SRGAP2: variants seen among roughly 807,000 people sequenced by gnomAD.
The protein encoded by SRGAP2 is SLIT-ROBO Rho GTPase activating protein 2.
A neutral mutation model predicts 57.2 loss-of-function variants in SRGAP2; 15 were observed. The observed-to-expected ratio is 0.26, with a 90% CI of 0.18 to 0.40. The LOEUF (loss-of-function observed/expected upper bound fraction) is 0.40, where lower values mean the gene tolerates loss of function less well. SRGAP2 is among the 10% of genes least tolerant of loss of function. The pLI is 1.00. For missense variants in SRGAP2, 520 were observed against 669.6 expected, an observed-to-expected ratio of 0.78 and a Z score of 2.47; for synonymous variants, 249 against 248.0, an observed-to-expected ratio of 1.00 and a Z score of -0.04.
chr1:206,359,829 C>T (rs374177289), intron 4 of SRGAP2, among the ~76,000 whole-genome samples: 119 of 76,300 alleles, frequency 1.6e-3, no homozygotes, highest in African/African-American at 7.6e-3. Context: ...TTTTTTGAGA[C>T]GGAGTCTCGC....
At chr1:206,439,242 G>T (rs549177783) in intron 16 of SRGAP2, among the ~76,000 whole-genome samples, 31 of 152,186 alleles carry the variant, frequency 2.0e-4, no homozygotes, top group African/African-American at 6.5e-4. Context: ...GAAGTGAGAG[G>T]CTGCCTATGA....
intron 4 of SRGAP2, among the ~76,000 whole-genome samples, chr1:206,363,134 G>A (rs140455104): frequency 0.012 from 1,888 of 152,144 alleles, 51 homozygotes; most frequent in African/African-American, 0.043. Context: ...GATGAAAAGC[G>A]TTCCGGAACT....
At chr1:206,352,731 G>T (rs1219334814) in intron 4 of SRGAP2, among the ~76,000 whole-genome samples, 1 of 147,746 alleles carries the variant, frequency 6.8e-6, no homozygotes, top group African/African-American at 2.6e-5. Context: ...TTGCCTTCTG[G>T]CCTCCATTAT....
intron 22 of SRGAP2, among the ~76,000 whole-genome samples, chr1:206,459,873 A>G (rs1376042287): frequency 6.6e-6 from 1 of 152,150 alleles, no homozygotes; most frequent in Non-Finnish European, 1.5e-5. Flanking sequence ...CTAGCCTTCT[A>G]TTCTGTGCCT....
rs569007435 is a variant in SRGAP2 at position 206,260,860 on chromosome 1, T to G, written c.68-42421T>G. ...GCTACTTAAAATGAGATTATTATTC[T>G]TCATTCTTAGAATGCCAGTTGGTTT... is the stretch of plus-strand genomic sequence containing the variant. On this transcript the variant is annotated intron_variant, in intron 2 of 22. Coordinates refer to ENST00000573034, the MANE Select transcript of SRGAP2 (RefSeq NM_015326.5). Among the ~76,000 whole-genome samples the G allele has an allele frequency of 6.6e-4, 100 of 152,248 alleles. 1 individual carries two copies. Among genetic ancestry groups the G allele is most frequent in the Non-Finnish European group, 9.8e-4 (67 of 68,042 alleles).
chr1:206,453,639 T>A (rs975201966), intron 20 of SRGAP2: 2 of 298,572 alleles, frequency 6.7e-6, no homozygotes, highest in Non-Finnish European at 6.1e-6. Flanking sequence ...TTTAGAAACC[T>A]GCCAGCCAGC....
Position 206,387,377 on chromosome 1 carries a change from CTGTTACA to C in SRGAP2, c.486+3304_486+3310del, listed in dbSNP as rs1292752172. Among the ~76,000 whole-genome samples the C allele has an allele frequency of 2.1e-5, 3 of 145,752 alleles. No individual in the cohort carries two copies. The East Asian group carries it at 6.0e-4, about 29-fold the overall frequency. ...GGTTTTATCAGGTGGGAAGCTGGGA[CTGTTACA>C]TGCTAGCTTTGGGAAGCTGCTTGCT... On this transcript the variant is annotated intron_variant, in intron 5 of 22. Coordinates refer to ENST00000573034, the MANE Select transcript of SRGAP2 (RefSeq NM_015326.5).
chr1:206,452,790 G>A (rs1047172161), intron 19 of SRGAP2, among the ~76,000 whole-genome samples: 1 of 149,860 alleles, frequency 6.7e-6, no homozygotes, highest in Non-Finnish European at 1.5e-5. Flanking sequence ...GGAGGCTGAG[G>A]CAGGAGAATC....
chr1:206,345,066 CA>C (rs1675523182), intron 4 of SRGAP2, among the ~76,000 whole-genome samples: 1 of 82,740 alleles, frequency 1.2e-5, no homozygotes. Context: ...CTTGTGTAAC[CA>C]GCACCCAGAT....
At chr1:206,410,664 T>C (rs1659138560) in intron 10 of SRGAP2, among the ~76,000 whole-genome samples, 1 of 152,242 alleles carries the variant, frequency 6.6e-6, no homozygotes, top group Non-Finnish European at 1.5e-5. Context: ...AGTTCTTCAC[T>C]TTTTTAACGT....
At chr1:206,373,997 C>A (rs1251061512) in intron 4 of SRGAP2, among the ~76,000 whole-genome samples, 1 of 147,022 alleles carries the variant, frequency 6.8e-6, no homozygotes, top group South Asian at 2.1e-4. Flanking sequence ...CTGCGCCTGA[C>A]AACTGCGGGT....
Position 206,289,359 on chromosome 1 carries a change from G to T in SRGAP2, c.68-13922G>T. Reference sequence around the variant, plus strand: ...GCCATCTCAGCTCACTGCAAGCTCCGCCTCCCAGGTTCACGCCATTCTCCT... The same window carrying T: ...GCCATCTCAGCTCACTGCAAGCTCCTCCTCCCAGGTTCACGCCATTCTCCT... On this transcript the variant is annotated intron_variant, in intron 2 of 22. Coordinates refer to ENST00000573034, the MANE Select transcript of SRGAP2 (RefSeq NM_015326.5). Among the ~76,000 whole-genome samples, 5 of 144,460 alleles carry T rather than the reference G, an allele frequency of 3.5e-5. No homozygotes were observed. The Admixed American group carries it at 3.5e-4, about 10-fold the overall frequency. 94.8% of individuals were successfully genotyped at this position (144,460 alleles called of 152,430 possible). A position where few individuals can be genotyped will look rare whatever the true frequency, so the allele number is the denominator to read the frequency against.
At chr1:206,343,405 TAAC>T (rs1553336000) in intron 4 of SRGAP2, among the ~76,000 whole-genome samples, 2 of 142,414 alleles carry the variant, frequency 1.4e-5, no homozygotes, top group African/African-American at 5.2e-5. Context: ...CTGCATCTAT[TAAC>T]AAAAACTGTG....
Position 206,461,525 on chromosome 1 carries a change from T to A in SRGAP2, c.*105T>A. On this transcript the variant is annotated 3_prime_UTR_variant, in exon 23 of 23. Transcript: ENST00000573034. The stretch of plus-strand genomic sequence containing the variant: ...GGGACTTCAGTTGAAAATTAGGTTC[T>A]AAGTTGTTCTTGCAGGAATTAGCCT... 1 of 660,032 alleles carries A rather than the reference T, an allele frequency of 1.5e-6. No individual in the cohort carries two copies. Among genetic ancestry groups the A allele is most frequent in the Non-Finnish European group, 2.8e-6 (1 of 360,748 alleles). 40.9% of individuals were successfully genotyped at this position (660,032 alleles called of 1,614,324 possible).
chr1:206,459,086 A>G (rs1373061327), intron 22 of SRGAP2, 139 bp downstream of exon 22: 3 of 608,184 alleles, frequency 4.9e-6, no homozygotes, highest in East Asian at 2.8e-5. Flanking sequence ...CACTCTGGAC[A>G]TGTGGACCCA....
Position 206,458,852 on chromosome 1 carries a change from C to T in SRGAP2, c.2737C>T (p.Arg913Trp), listed in dbSNP as rs537911400. Residue 913 changes from arginine (R) to tryptophan (W), a missense_variant, in exon 22 of 23, where the codon CGG (arginine) becomes TGG (tryptophan). Arg to Trp is a moderately radical substitution (Grantham distance 101). Around this residue, in one of 5 missense-constraint regions of SRGAP2, gnomAD observed 478 missense variants for 373.6 expected, o/e 1.28. Coordinates refer to ENST00000573034, the MANE Select transcript of SRGAP2 (RefSeq NM_015326.5). ...CAGCCGCCACTCATCCCTGAAGAATCGGCTGGATAGTCCACAGATCCGGAA... is the reference window on the plus strand; with the variant it reads ...CAGCCGCCACTCATCCCTGAAGAATTGGCTGGATAGTCCACAGATCCGGAA... ...SISRHSSLKN[R>W]LDSPQIRKTA... The T allele has an allele frequency of 7.7e-6, 6 of 780,642 alleles. No individual in the cohort carries two copies. Among genetic ancestry groups the T allele is most frequent in the African/African-American group, 3.4e-5 (2 of 59,252 alleles). The allele number at this position is 780,642 out of a possible 1,614,324, so 48.4% of individuals were successfully genotyped here. A position where few individuals can be genotyped will look rare whatever the true frequency, so the allele number is the denominator to read the frequency against.
At chr1:206,370,809 A>G (rs1490506842) in intron 4 of SRGAP2, among the ~76,000 whole-genome samples, 2 of 152,228 alleles carry the variant, frequency 1.3e-5, no homozygotes, top group Admixed American at 1.3e-4. Context: ...GCAGTAACTA[A>G]AAGAGCTCAA....
intron 4 of SRGAP2, among the ~76,000 whole-genome samples, chr1:206,381,186 G>A (rs113609770): frequency 6.6e-6 from 1 of 152,164 alleles, no homozygotes; most frequent in Admixed American, 6.5e-5. Context: ...AATTGCTGTT[G>A]TTTTTGGTTA....
intron 2 of SRGAP2, among the ~76,000 whole-genome samples, chr1:206,229,357 T>C (rs1292925745): frequency 6.6e-6 from 1 of 150,634 alleles, no homozygotes; most frequent in Non-Finnish European, 1.5e-5. Flanking sequence ...TTTTGTCTTA[T>C]CTTGCAAGCA....
Sources: gnomAD v4.1 joint callset for allele counts (sites outside exome capture counted in the v4.1 genomes callset) on GRCh38, gnomAD v4.1.1 for gene constraint, gnomAD v4.1.1 regional missense constraint, MANE v1.5 for transcripts, NCBI Gene and HGNC (gene_info 2026-07-23, HGNC 2026-07-21) for gene names.